LAMA2: variants seen among roughly 807,000 people sequenced by gnomAD.
The protein encoded by LAMA2 is laminin subunit alpha-2.
LAMA2 carries 269 observed loss-of-function variants against 364.8 expected under a neutral mutation model. That is an observed-to-expected ratio of 0.74 (90% CI 0.67 to 0.82). The LOEUF is 0.82. LAMA2 is among the 40% of genes least tolerant of loss of function. The pLI is 0.00. For synonymous variants in LAMA2, 1,379 were observed against 1,370.6 expected, an observed-to-expected ratio of 1.01 and a Z score of -0.14; for missense variants, 3,807 against 3,873.2, an observed-to-expected ratio of 0.98 and a Z score of 0.45.
intron 1 of LAMA2, among the ~76,000 whole-genome samples, chr6:128,945,221 A>G (rs938849945): frequency 6.6e-6 from 1 of 152,364 alleles, no homozygotes; most frequent in African/African-American, 2.4e-5. Flanking sequence ...GCATTTTAGT[A>G]GATTTAATTA....
intron 20 of LAMA2, among the ~76,000 whole-genome samples, chr6:129,296,977 A>T (rs904137396): frequency 1.3e-5 from 2 of 152,160 alleles, no homozygotes; most frequent in Non-Finnish European, 2.9e-5. Context: ...TTATAGATAG[A>T]TAAGAGATAT....
intron 43 of LAMA2, 79 bp from the exon 44 acceptor site, chr6:129,442,984 T>G: frequency 9.3e-7 from 1 of 1,081,012 alleles, no homozygotes; most frequent in South Asian, 1.4e-5. Context: ...TAGTCACTAC[T>G]TTATAATATT....
chr6:129,336,726 G>A (rs1775979425), intron 29 of LAMA2, among the ~76,000 whole-genome samples: 1 of 152,178 alleles, frequency 6.6e-6, no homozygotes, highest in South Asian at 2.1e-4. Context: ...TTGAAAATAT[G>A]AGCCAGATGT....
At chr6:128,894,564 G>C (rs996095062) in intron 1 of LAMA2, among the ~76,000 whole-genome samples, 39 of 152,194 alleles carry the variant, frequency 2.6e-4, no homozygotes, top group African/African-American at 8.9e-4. Context: ...CACGAAAAAA[G>C]TGGCTAGTTT....
intron 14 of LAMA2, among the ~76,000 whole-genome samples, chr6:129,259,497 ATAG>A (rs1293237730): frequency 1.3e-5 from 2 of 152,106 alleles, no homozygotes; most frequent in Admixed American, 1.3e-4. Context: ...TTATGAGTCA[ATAG>A]TAGTCATTTA....
At chr6:129,270,968 A>G (rs1314400536) in intron 17 of LAMA2, among the ~76,000 whole-genome samples, 1 of 152,128 alleles carries the variant, frequency 6.6e-6, no homozygotes, top group African/African-American at 2.4e-5. Flanking sequence ...AGTTTTGGTG[A>G]TTTAATTTCT....
intron 1 of LAMA2, among the ~76,000 whole-genome samples, chr6:128,926,224 A>G (rs1452539786): frequency 1.3e-5 from 2 of 151,820 alleles, no homozygotes; most frequent in East Asian, 3.9e-4. Flanking sequence ...CACAACTCTG[A>G]GTTTTCTGAG....
chr6:129,043,870 C>T (rs6919209), intron 1 of LAMA2, among the ~76,000 whole-genome samples: 53,556 of 151,942 alleles, frequency 0.35, 11,442 homozygotes, highest in African/African-American at 0.6. Context: ...AATCTCTGTT[C>T]AGTTTTTCAG....
Position 129,145,801 on chromosome 6 carries a change from C to T in LAMA2, c.820-1158C>T, listed in dbSNP as rs187760391. ...AGCAAATTTCAGCTCTTCTTCATGA[C>T]TCAAAAGCAAAGCATTATACATTTA... On this transcript the variant is annotated intron_variant, in intron 5 of 64. Coordinates refer to ENST00000421865, the MANE Select transcript of LAMA2 (RefSeq NM_000426.4). Among the ~76,000 whole-genome samples, 17 of 151,964 alleles carry T rather than the reference C, an allele frequency of 1.1e-4. No individual in the cohort carries two copies. In the East Asian group the frequency reaches 3.3e-3, roughly 29 times the overall value.
intron 1 of LAMA2, among the ~76,000 whole-genome samples, chr6:128,951,789 A>T (rs1224492026): frequency 6.6e-6 from 1 of 152,216 alleles, no homozygotes; most frequent in South Asian, 2.1e-4. Flanking sequence ...TATTTTGTTT[A>T]AAAAAAACTT....
In LAMA2 at chr6:129,127,969, G is replaced by A. The variant is rs544811457; in HGVS notation, c.640-15932G>A. Among the ~76,000 whole-genome samples the A allele has an allele frequency of 7.8e-4, 118 of 151,750 alleles. 1 individual carries two copies. The Middle Eastern group carries it at 0.027, about 35-fold the overall frequency. On this transcript the variant is annotated intron_variant, in intron 4 of 64. Transcript: ENST00000421865. ...TCATAGTTTGTCTCTTCACATTGTT[G>A]CTTCCTTTGTTGTGCAGAAGCTTTT... is the stretch of plus-strand genomic sequence containing the variant.
intron 41 of LAMA2, among the ~76,000 whole-genome samples, chr6:129,431,148 T>A (rs1761513004): frequency 6.6e-6 from 1 of 151,986 alleles, no homozygotes; most frequent in Admixed American, 6.6e-5. Flanking sequence ...CCTGTAATCC[T>A]AACACTTCGG....
At position 128,961,318 on chromosome 6, in the gene LAMA2, G is replaced by GATATATATATATAT. The variant is rs58772123; in HGVS notation, c.112+77998_112+78011dup. Among the ~76,000 whole-genome samples the GATATATATATATAT allele has an allele frequency of 3.1e-4, 18 of 57,792 alleles. 2 individuals are homozygous for GATATATATATATAT. Among genetic ancestry groups the GATATATATATATAT allele is most frequent in the East Asian group, 5.7e-4 (1 of 1,764 alleles). The allele number at this position is 57,792 out of a possible 152,430, so 37.9% of individuals were successfully genotyped here. ...TTCTGTAGAGGGACAGAACTAATAT[G>GATATATATATATAT]ATATATATATATATATATATATATA... On this transcript the variant is annotated intron_variant, in intron 1 of 64. Transcript: ENST00000421865.
chr6:128,938,702 T>C (rs1221645738), intron 1 of LAMA2, among the ~76,000 whole-genome samples: 3 of 152,166 alleles, frequency 2.0e-5, no homozygotes, highest in Non-Finnish European at 4.4e-5. Context: ...TAATTTTTGC[T>C]TGGTTTTGAT....
chr6:129,148,718 G>C (rs1041639190), intron 6 of LAMA2, among the ~76,000 whole-genome samples: 1 of 152,122 alleles, frequency 6.6e-6, no homozygotes, highest in South Asian at 2.1e-4. Context: ...CAGTCTTCAA[G>C]ACCACTCCCA....
intron 12 of LAMA2, among the ~76,000 whole-genome samples, chr6:129,201,966 G>T (rs953711223): frequency 4.6e-5 from 7 of 152,098 alleles, no homozygotes; most frequent in Non-Finnish European, 7.4e-5. Flanking sequence ...AAGGCAGGTG[G>T]ATCACGAGGT....
chr6:129,179,016 T>C (rs1036585245), intron 10 of LAMA2, among the ~76,000 whole-genome samples: 1 of 152,180 alleles, frequency 6.6e-6, no homozygotes, highest in Non-Finnish European at 1.5e-5. Context: ...AAAGTTGCCA[T>C]GTCCTGGAAT....
chr6:129,118,716 C>G (rs118004609), intron 4 of LAMA2, among the ~76,000 whole-genome samples: 104 of 152,230 alleles, frequency 6.8e-4, no homozygotes, highest in Non-Finnish European at 1.1e-3. Context: ...GGAACATATG[C>G]CAAGAGTATA....
chr6:129,336,911 A>G (rs1233321056), intron 29 of LAMA2, among the ~76,000 whole-genome samples: 1 of 152,254 alleles, frequency 6.6e-6, no homozygotes, highest in Non-Finnish European at 1.5e-5. Context: ...TATAAAGCTG[A>G]AAGTATTATC....
Sources: gnomAD v4.1 joint callset for allele counts (sites outside exome capture counted in the v4.1 genomes callset) on GRCh38, gnomAD v4.1.1 for gene constraint, MANE v1.5 for transcripts, NCBI Gene and HGNC (gene_info 2026-07-23, HGNC 2026-07-21) for gene names.